The following TRAPPC8 variants were observed in gnomAD, a reference collection of about 807,000 sequenced individuals.
TRAPPC8 encodes the protein general sporulation gene 1 homolog.
Under a neutral mutation model 174.3 loss-of-function variants are expected in TRAPPC8, and 54 were observed. The observed-to-expected ratio is 0.31, with a 90% CI of 0.25 to 0.39. TRAPPC8 has a LOEUF of 0.39. Ranked by LOEUF, TRAPPC8 falls within the 10% of genes least tolerant of loss-of-function variation. The pLI, the probability that TRAPPC8 is intolerant of heterozygous loss-of-function variation, is 1.00. For missense variants in TRAPPC8, 1,531 were observed against 1,699.1 expected, an observed-to-expected ratio of 0.90 and a Z score of 1.74; for synonymous variants, 630 against 579.9, an observed-to-expected ratio of 1.09 and a Z score of -1.24.
At chr18:31,901,058 AAGAAGAAACAGTCTTAC>A in intron 9 of TRAPPC8, 33 bp from the exon 10 acceptor site, 2 of 1,542,870 alleles carry the variant, frequency 1.3e-6, no homozygotes, top group Non-Finnish European at 1.7e-6. Flanking sequence ...CATATTTCAA[AAGAAGAAACAGTCTTAC>A]AGTTTAGATG....
In TRAPPC8 at chr18:31,941,777, CA is replaced by C. The variant is rs1394179673; in HGVS notation, c.157+830del. Among the ~76,000 whole-genome samples, 4 of 151,452 alleles carry C rather than the reference CA, an allele frequency of 2.6e-5. No homozygotes were observed. The South Asian group carries it at 8.5e-4, about 32-fold the overall frequency. ...ACCCTTCAGTTCTTACCGACCTTAACAAAAAAAACTTTACTTGGACTTTGTT... is the reference window on the plus strand; with the variant it reads ...ACCCTTCAGTTCTTACCGACCTTAACAAAAAAACTTTACTTGGACTTTGTT... On this transcript the variant is annotated intron_variant, in intron 1 of 28. Coordinates refer to ENST00000283351, the MANE Select transcript of TRAPPC8 (RefSeq NM_014939.5).
chr18:31,848,752 G>T (rs576402201), intron 25 of TRAPPC8, among the ~76,000 whole-genome samples: 12 of 152,248 alleles, frequency 7.9e-5, no homozygotes, highest in African/African-American at 2.9e-4. Context: ...AAGTTCGGGT[G>T]ATTATTCTTG....
chr18:31,852,730 AT>A, intron 22 of TRAPPC8, 67 bp from the exon 23 acceptor site: 2 of 1,217,146 alleles, frequency 1.6e-6, no homozygotes, highest in African/African-American at 3.0e-5. Flanking sequence ...CCAATTCATT[AT>A]TTAGACTTCC....
chr18:31,881,571 T>A (rs2035454832), intron 12 of TRAPPC8, among the ~76,000 whole-genome samples: 1 of 152,150 alleles, frequency 6.6e-6, no homozygotes, highest in Non-Finnish European at 1.5e-5. Context: ...AATACCCTTC[T>A]GGACATCACC....
At chr18:31,855,285 T>A (rs1248173407) in intron 21 of TRAPPC8, among the ~76,000 whole-genome samples, 2 of 152,208 alleles carry the variant, frequency 1.3e-5, no homozygotes, top group Non-Finnish European at 2.9e-5. Flanking sequence ...CTGTTAGAAA[T>A]GTGCAAGTGA....
chr18:31,919,578 AAATAAAT>A (rs1382553769), intron 2 of TRAPPC8, among the ~76,000 whole-genome samples: 1 of 120,630 alleles, frequency 8.3e-6, no homozygotes, highest in African/African-American at 2.8e-5. Context: ...ATAAATAAAT[AAATAAAT>A]AAATAAAATA....
At chr18:31,918,034 T>C (rs1026440512) in intron 2 of TRAPPC8, among the ~76,000 whole-genome samples, 11 of 151,948 alleles carry the variant, frequency 7.2e-5, no homozygotes, top group African/African-American at 1.5e-4. Context: ...GCTGAGGCAG[T>C]AGAACTGCTT....
Position 31,942,598 on chromosome 18 carries a change from T to C in TRAPPC8, c.157+10A>G. The C allele has an allele frequency of 2.5e-6, 4 of 1,576,174 alleles. No individual in the cohort carries two copies. Among genetic ancestry groups the C allele is most frequent in the Middle Eastern group, 1.7e-4 (1 of 5,866 alleles). The stretch of plus-strand genomic sequence containing the variant: ...CGGGAGCCCACTGGAAAAGGGAGGA[T>C]ACCACATACCCTCGGAAGTGAGGCG... On this transcript the variant is annotated intron_variant, in intron 1 of 28. Transcript: ENST00000283351.
chr18:31,852,404 A>C (rs1555657598), intron 24 of TRAPPC8, 42 bp downstream of exon 24: 1 of 1,608,270 alleles, frequency 6.2e-7, no homozygotes, highest in Non-Finnish European at 8.5e-7. Flanking sequence ...ATATGCTATA[A>C]CTATGACTTA....
intron 26 of TRAPPC8, among the ~76,000 whole-genome samples, chr18:31,840,900 G>A (rs570286775): frequency 5.9e-5 from 9 of 151,322 alleles, no homozygotes; most frequent in African/African-American, 1.9e-4. Context: ...GTAACACCCT[G>A]GGGCTACTGG....
chr18:31,896,754 G>A (rs1321132057), intron 11 of TRAPPC8, among the ~76,000 whole-genome samples: 1 of 152,130 alleles, frequency 6.6e-6, no homozygotes, highest in African/African-American at 2.4e-5. Flanking sequence ...CTCCTGAGTA[G>A]CTGAGATTAC....
intron 10 of TRAPPC8, among the ~76,000 whole-genome samples, chr18:31,899,505 A>T (rs1021594304): frequency 6.6e-6 from 1 of 152,230 alleles, no homozygotes; most frequent in Non-Finnish European, 1.5e-5. Flanking sequence ...AATTGCCTCT[A>T]TATCTGCCTT....
At chr18:31,840,474 G>A (rs575844422) in intron 26 of TRAPPC8, among the ~76,000 whole-genome samples, 19 of 152,216 alleles carry the variant, frequency 1.2e-4, no homozygotes, top group African/African-American at 4.3e-4. Flanking sequence ...TTCTTTCTTG[G>A]TTATTTTTTT....
At chr18:31,913,059 C>T (rs1215363671) in intron 5 of TRAPPC8, among the ~76,000 whole-genome samples, 5 of 150,632 alleles carry the variant, frequency 3.3e-5, no homozygotes, top group Non-Finnish European at 5.9e-5. Flanking sequence ...ACCTGAGAGG[C>T]GGAGGTTGCA....
chr18:31,900,916 G>T lies in TRAPPC8; in HGVS notation c.1490+9C>A. On this transcript the variant is annotated intron_variant, in intron 10 of 28. Transcript: ENST00000283351. ...CTGGATACAATATAAATCTTATATAGTCACCTACTTGCAGATATCTCTGTA... is the reference window on the plus strand; with the variant it reads ...CTGGATACAATATAAATCTTATATATTCACCTACTTGCAGATATCTCTGTA... 1 of 1,541,146 alleles carries T rather than the reference G, an allele frequency of 6.5e-7. No individual in the cohort carries two copies. Among genetic ancestry groups the T allele is most frequent in the Non-Finnish European group, 8.8e-7 (1 of 1,136,808 alleles).
chr18:31,882,376 C>T (rs2035497258), intron 12 of TRAPPC8, among the ~76,000 whole-genome samples: 1 of 152,034 alleles, frequency 6.6e-6, no homozygotes, highest in Non-Finnish European at 1.5e-5. Context: ...TAGGCATGCT[C>T]TCACTTATAA....
At chr18:31,878,792 C>T (rs533328977) in intron 12 of TRAPPC8, among the ~76,000 whole-genome samples, 5 of 151,672 alleles carry the variant, frequency 3.3e-5, no homozygotes, top group African/African-American at 1.2e-4. Context: ...ATCAATCACG[C>T]AAATGGAAAA....
At chr18:31,929,030 A>C (rs2037742362) in intron 2 of TRAPPC8, among the ~76,000 whole-genome samples, 1 of 151,842 alleles carries the variant, frequency 6.6e-6, no homozygotes, top group Non-Finnish European at 1.5e-5. Flanking sequence ...AAAATACAAA[A>C]AATTAGCTGG....
intron 5 of TRAPPC8, among the ~76,000 whole-genome samples, chr18:31,911,345 T>C (rs575304691): frequency 7.9e-5 from 12 of 151,574 alleles, no homozygotes; most frequent in African/African-American, 2.7e-4. Context: ...GGTGAAACCC[T>C]GTCTCGACTA....
Sources: allele counts gnomAD v4.1 joint callset (sites outside exome capture counted in the v4.1 genomes callset), GRCh38; gene constraint gnomAD v4.1.1; transcripts MANE v1.5; gene names NCBI Gene and HGNC (gene_info 2026-07-23, HGNC 2026-07-21).